The following BID variants were observed in gnomAD, a reference collection of about 807,000 sequenced individuals.
BID encodes BH3-interacting domain death agonist.
In BID, 19 loss-of-function variants were observed where a neutral mutation model predicts 17.4. That is an observed-to-expected ratio of 1.09 (90% CI 0.76 to 1.60). The LOEUF (loss-of-function observed/expected upper bound fraction) is 1.60, where lower values mean the gene tolerates loss of function less well. Among genes scored for constraint, BID ranks in the 40% most tolerant of loss-of-function variants. BID has a pLI of 0.00. For synonymous variants in BID, 108 were observed against 102.8 expected, an observed-to-expected ratio of 1.05 and a Z score of -0.31; for missense variants, 226 against 256.0, an observed-to-expected ratio of 0.88 and a Z score of 0.80.
At chr22:17,749,281 G>A (rs1341359973) in intron 2 of BID, among the ~76,000 whole-genome samples, 1 of 152,204 alleles carries the variant, frequency 6.6e-6, no homozygotes, top group African/African-American at 2.4e-5. Context: ...GGAGAGACAA[G>A]GAAGCATCCA....
rs1298089086 is a variant in BID, at chr22:17,769,760, C to G, written c.-59+4621G>C. On this transcript the variant is annotated intron_variant, in intron 1 of 5. Transcript: ENST00000622694. The surrounding 1 kb of genome is among the most constrained non-coding windows in gnomAD (Gnocchi z 4.8). ...CCATCCCAAACGCAGTGACCTCCAG[C>G]ACCCAAAGCTCAGAGTTCCCAGCTG... Among the ~76,000 whole-genome samples, 1 of 152,174 alleles carries G rather than the reference C, an allele frequency of 6.6e-6. No individual in the cohort carries two copies. The highest frequency in any genetic ancestry group is 1.5e-5 in the Non-Finnish European group (1 of 68,018).
intron 1 of BID, among the ~76,000 whole-genome samples, chr22:17,754,330 G>A (rs923702925): frequency 2.6e-4 from 39 of 152,368 alleles, no homozygotes; most frequent in East Asian, 1.2e-3. Flanking sequence ...AGGCCCCTCC[G>A]CAGGCCTCCC....
chr22:17,754,772 G>GT lies in BID; in HGVS notation c.-58-4599dup, dbSNP rs577394917. Among the ~76,000 whole-genome samples, 1,099 of 151,930 alleles carry GT rather than the reference G, an allele frequency of 7.2e-3. 16 individuals are homozygous for GT. Among genetic ancestry groups the GT allele is most frequent in the African/African-American group, 0.025 (1,049 of 41,448 alleles). On this transcript the variant is annotated intron_variant, in intron 1 of 5. Coordinates refer to ENST00000622694, the MANE Select transcript of BID (RefSeq NM_001196.4). The stretch of plus-strand genomic sequence containing the variant: ...TTTTTTTGTTTTTGTTTTTGTTTGT[G>GT]TTTTTTTTGGAGACAGAGTCTCACC...
At chr22:17,764,481 A>G (rs894874949) in intron 1 of BID, among the ~76,000 whole-genome samples, 17 of 152,238 alleles carry the variant, frequency 1.1e-4, no homozygotes, top group Non-Finnish European at 2.4e-4. Context: ...GAGGGAAAAA[A>G]GGTCAAGGTT....
chr22:17,749,838 C>T (rs2145890025), intron 2 of BID, among the ~76,000 whole-genome samples: 1 of 152,352 alleles, frequency 6.6e-6, no homozygotes, highest in African/African-American at 2.4e-5. Context: ...CCAAAGCCCC[C>T]TCGCCCTTGC....
chr22:17,739,602 C>T, intron 3 of BID, 114 bp from the exon 4 acceptor site: 2 of 1,373,212 alleles, frequency 1.5e-6, no homozygotes, highest in East Asian at 2.4e-5. Context: ...ACAAGGCCAG[C>T]CCCCACTGGG....
chr22:17,741,084 T>A (rs1371135408), intron 3 of BID: 1 of 152,212 alleles, frequency 6.6e-6, no homozygotes, highest in Non-Finnish European at 1.5e-5. Flanking sequence ...AAATCTCACC[T>A]TATGTTGCAA....
intron 1 of BID, among the ~76,000 whole-genome samples, chr22:17,767,565 C>T (rs527248910): frequency 6.9e-4 from 105 of 152,308 alleles, no homozygotes; most frequent in Non-Finnish European, 1.2e-3. Flanking sequence ...GCTAAGGACA[C>T]AGAGAACGAA....
rs1221488827 is a variant in BID, at chr22:17,773,093, C to T, written c.-59+1288G>A. Among the ~76,000 whole-genome samples the T allele has an allele frequency of 6.6e-6, 1 of 152,156 alleles. No homozygotes were observed. The highest frequency in any genetic ancestry group is 1.5e-5 in the Non-Finnish European group (1 of 68,026). On this transcript the variant is annotated intron_variant, in intron 1 of 5. Transcript: ENST00000622694. The surrounding 1 kb of genome is among the most constrained non-coding windows in gnomAD (Gnocchi z 4.4). ...TCCTGGGAGATCCCTGCCTTTAAAC[C>T]CCAGCCACGAACTGCTGACCCCGCA...
chr22:17,750,725 G>A (rs1440391315), intron 1 of BID, among the ~76,000 whole-genome samples: 3 of 152,096 alleles, frequency 2.0e-5, no homozygotes, highest in Non-Finnish European at 4.4e-5. Flanking sequence ...CTACTCGGGA[G>A]GCTGAGGCAG....
chr22:17,762,460 C>T (rs1286794491), intron 1 of BID, among the ~76,000 whole-genome samples: 1 of 152,210 alleles, frequency 6.6e-6, no homozygotes, highest in African/African-American at 2.4e-5. Context: ...CAGGCCACTG[C>T]ACTCCAGCCT....
intron 1 of BID, among the ~76,000 whole-genome samples, chr22:17,758,125 TA>T (rs1185858972): frequency 6.6e-6 from 1 of 152,232 alleles, no homozygotes; most frequent in Non-Finnish European, 1.5e-5. Flanking sequence ...TGTCTGTTTG[TA>T]CATTCAGTCT....
chr22:17,759,028 C>A (rs2061614564), intron 1 of BID, among the ~76,000 whole-genome samples: 3 of 151,914 alleles, frequency 2.0e-5, no homozygotes, highest in Non-Finnish European at 4.4e-5. Flanking sequence ...GTCAAGAGAT[C>A]GAGACCATCC....
chr22:17,763,904 T>A (rs1189361447), intron 1 of BID, among the ~76,000 whole-genome samples: 36 of 146,038 alleles, frequency 2.5e-4, no homozygotes, highest in South Asian at 8.7e-4. Context: ...ACTTATAATT[T>A]AAAAAAAAAA....
chr22:17,744,810 TG>T (rs1280519550), intron 2 of BID, among the ~76,000 whole-genome samples: 3 of 152,142 alleles, frequency 2.0e-5, no homozygotes, highest in African/African-American at 7.2e-5. Context: ...GCCCTGCAGC[TG>T]GGTGTGCCCA....
chr22:17,767,209 G>A (rs1555907829), intron 1 of BID, among the ~76,000 whole-genome samples: 2 of 131,280 alleles, frequency 1.5e-5, no homozygotes, highest in Non-Finnish European at 3.2e-5. Flanking sequence ...GTGTGACAGA[G>A]TGAGATTCCA....
At chr22:17,754,373 C>T (rs759425039) in intron 1 of BID, among the ~76,000 whole-genome samples, 1 of 152,268 alleles carries the variant, frequency 6.6e-6, no homozygotes, top group East Asian at 1.9e-4. Flanking sequence ...GCCAGGAAGG[C>T]GCTTCTGCCC....
intron 1 of BID, among the ~76,000 whole-genome samples, chr22:17,751,185 A>ATG (rs1601853628): frequency 4.0e-5 from 6 of 151,826 alleles, no homozygotes; most frequent in East Asian, 2.0e-4. Flanking sequence ...ATCCTGGCTA[A>ATG]CAAGGTGAAA....
rs1601851980 is a variant in BID at position 17,750,262 on chromosome 22, C to G, written c.-58-88G>C. On this transcript the variant is annotated intron_variant, in intron 1 of 5. Transcript: ENST00000622694. ...AGGACGACGAAGCTGGCCTGTGCTC[C>G]AGAAATGGCGGCTGAGCCGAGGTCC... 2.6e-6 allele frequency: 3 copies of G among 1,173,454 alleles called. No homozygotes were observed. The East Asian group carries it at 7.7e-5, about 30-fold the overall frequency. The allele number at this position is 1,173,454 out of a possible 1,614,324, so 72.7% of individuals were successfully genotyped here. A position where few individuals can be genotyped will look rare whatever the true frequency, so the allele number is the denominator to read the frequency against.
Sources: allele counts gnomAD v4.1 joint callset (sites outside exome capture counted in the v4.1 genomes callset), GRCh38; gene constraint gnomAD v4.1.1; non-coding constraint Gnocchi (gnomAD v3.1); transcripts MANE v1.5; gene names NCBI Gene and HGNC (gene_info 2026-07-23, HGNC 2026-07-21).